The following CEP112 variants were observed in gnomAD, a reference collection of about 807,000 sequenced individuals.
CEP112 encodes the protein centrosomal protein of 112 kDa.
In CEP112, 127 loss-of-function variants were observed where a neutral mutation model predicts 153.0. The ratio of observed to expected loss-of-function variants is 0.83; its 90% CI spans 0.72 to 0.96. The LOEUF (loss-of-function observed/expected upper bound fraction) is 0.96. Among genes scored for constraint, CEP112 ranks in the 40% least tolerant of loss-of-function variants. The pLI is 0.00. For missense variants in CEP112, 1,089 were observed against 1,101.2 expected (o/e 0.99, Z 0.16); for synonymous variants, 358 against 374.4 (o/e 0.96, Z 0.51).
chr17:65,679,366 C>T (rs1041641070), intron 24 of CEP112, among the ~76,000 whole-genome samples: 3 of 151,352 alleles, frequency 2.0e-5, no homozygotes, highest in Non-Finnish European at 4.4e-5. Context: ...TAAAATTACT[C>T]GAAACAAACC....
At chr17:65,782,387 G>A (rs746981958) in intron 21 of CEP112, among the ~76,000 whole-genome samples, 3 of 152,142 alleles carry the variant, frequency 2.0e-5, no homozygotes, top group Non-Finnish European at 4.4e-5. Context: ...ATACACTGTT[G>A]GTGGGAATGG....
chr17:65,790,456 T>C (rs1470695160), intron 21 of CEP112, among the ~76,000 whole-genome samples: 2 of 152,128 alleles, frequency 1.3e-5, no homozygotes, highest in Non-Finnish European at 2.9e-5. Context: ...AGGTGCTGAA[T>C]GTGCAAGCTG....
At chr17:66,102,722 T>C (rs1416639313) in intron 6 of CEP112, among the ~76,000 whole-genome samples, 1 of 140,966 alleles carries the variant, frequency 7.1e-6, no homozygotes, top group Non-Finnish European at 1.5e-5. Context: ...GGCATGAACC[T>C]GGGAGGCAGA....
chr17:66,144,324 T>C (rs1598432588), intron 4 of CEP112, among the ~76,000 whole-genome samples: 1 of 152,320 alleles, frequency 6.6e-6, no homozygotes, highest in Middle Eastern at 3.4e-3. Flanking sequence ...AATTAAACAG[T>C]ATGTACATGT....
intron 24 of CEP112, among the ~76,000 whole-genome samples, chr17:65,647,469 G>A (rs1003554167): frequency 2.3e-5 from 3 of 130,348 alleles, no homozygotes; most frequent in African/African-American, 6.3e-5. Context: ...CACTGTGCCC[G>A]GCCTTTTTTT....
rs907428635 is a variant in CEP112, at chr17:65,655,326, G to A, written c.2698-14261C>T. 11 of 1,561,278 alleles carry A rather than the reference G, an allele frequency of 7.0e-6. No homozygotes were observed. In the East Asian group the frequency reaches 1.1e-4, roughly 16 times the overall value. On this transcript the variant is annotated intron_variant, in intron 24 of 26. Coordinates refer to ENST00000535342, the MANE Select transcript of CEP112 (RefSeq NM_001199165.4). ...CTCAGACACTACAGCTGGATTTCTCGATGAAAATCTTGCCAAATTACCACC... is the reference window on the plus strand; with the variant it reads ...CTCAGACACTACAGCTGGATTTCTCAATGAAAATCTTGCCAAATTACCACC...
At chr17:66,034,460 T>C (rs1032941012) in intron 12 of CEP112, among the ~76,000 whole-genome samples, 3 of 152,090 alleles carry the variant, frequency 2.0e-5, no homozygotes, top group Admixed American at 6.6e-5. Context: ...TTTTAGAAAG[T>C]ATCAAATTGC....
In CEP112 at chr17:66,017,138, T is replaced by C. The variant is rs538840240; in HGVS notation, c.1656+10363A>G. Among the ~76,000 whole-genome samples, 11 of 152,368 alleles carry C rather than the reference T, an allele frequency of 7.2e-5. No homozygotes were observed. In the South Asian group the frequency reaches 2.1e-3, roughly 29 times the overall value. ...TTATTGTGAACACCCAAAATCACAA[T>C]GTGCCACAATACAGTAATTCCCTTA... On this transcript the variant is annotated intron_variant, in intron 16 of 26. Transcript: ENST00000535342.
At chr17:65,725,656 A>G (rs1329890452) in intron 23 of CEP112, among the ~76,000 whole-genome samples, 1 of 152,222 alleles carries the variant, frequency 6.6e-6, no homozygotes, top group Non-Finnish European at 1.5e-5. Flanking sequence ...AAGACTGGGA[A>G]GAAAAAGAGG....
intron 21 of CEP112, among the ~76,000 whole-genome samples, chr17:65,751,650 T>C (rs2051859028): frequency 6.6e-6 from 1 of 152,254 alleles, no homozygotes; most frequent in Non-Finnish European, 1.5e-5. Flanking sequence ...CTTTTTCTTG[T>C]TGTTTCTATG....
rs2055296214 is a variant in CEP112 at position 65,801,838 on chromosome 17, T to G, written c.2394+49966A>C. Among the ~76,000 whole-genome samples the G allele has an allele frequency of 2.6e-5, 4 of 152,214 alleles. No homozygotes were observed. The South Asian group carries it at 6.2e-4, about 24-fold the overall frequency. On this transcript the variant is annotated intron_variant, in intron 21 of 26. Coordinates refer to ENST00000535342, the MANE Select transcript of CEP112 (RefSeq NM_001199165.4). ...TATTAAATCCAACATCTGTGCTTCC[T>G]CAGGAACAGTTTCTATTATTTTTCC...
chr17:65,986,545 TAAAGTAA>T (rs2063413225), intron 17 of CEP112, among the ~76,000 whole-genome samples: 1 of 152,136 alleles, frequency 6.6e-6, no homozygotes, highest in South Asian at 2.1e-4. Context: ...TGCATCGGAT[TAAAGTAA>T]AGTACAAATG....
At chr17:65,862,763 A>G (rs950350873) in intron 20 of CEP112, among the ~76,000 whole-genome samples, 1 of 152,216 alleles carries the variant, frequency 6.6e-6, no homozygotes, top group Non-Finnish European at 1.5e-5. Flanking sequence ...GCTGACAAGA[A>G]GAATGCTTCT....
intron 23 of CEP112, among the ~76,000 whole-genome samples, chr17:65,733,057 T>C (rs1344294089): frequency 6.6e-6 from 1 of 152,256 alleles, no homozygotes; most frequent in East Asian, 1.9e-4. Flanking sequence ...TTACTGAACT[T>C]AGTAATTTCT....
intron 21 of CEP112, among the ~76,000 whole-genome samples, chr17:65,809,856 G>GT (rs1349141327): frequency 1.3e-5 from 2 of 152,048 alleles, no homozygotes; most frequent in African/African-American, 2.4e-5. Flanking sequence ...AGGAAGTGGG[G>GT]GGGGGAAGAT....
At chr17:65,768,467 G>T (rs1567984892) in intron 21 of CEP112, among the ~76,000 whole-genome samples, 1 of 152,016 alleles carries the variant, frequency 6.6e-6, no homozygotes, top group Non-Finnish European at 1.5e-5. Context: ...CACATTTTAT[G>T]AGGCAGCATT....
chr17:66,188,321 A>ACACACC (rs2073021947), intron 1 of CEP112, among the ~76,000 whole-genome samples: 1 of 139,814 alleles, frequency 7.2e-6, no homozygotes, highest in African/African-American at 2.7e-5. Flanking sequence ...ACACACACAC[A>ACACACC]CACACTTTGC....
chr17:65,811,873 T>G (rs901578109), intron 21 of CEP112, among the ~76,000 whole-genome samples: 1 of 152,216 alleles, frequency 6.6e-6, no homozygotes, highest in Non-Finnish European at 1.5e-5. Flanking sequence ...TCATTTTTGG[T>G]CTACAACTCT....
chr17:65,777,100 G>A (rs543093468), intron 21 of CEP112, among the ~76,000 whole-genome samples: 2 of 152,220 alleles, frequency 1.3e-5, no homozygotes, highest in Admixed American at 6.5e-5. Flanking sequence ...CCGCATTTAG[G>A]TGGCATGTAA....
Sources: allele counts gnomAD v4.1 joint callset (sites outside exome capture counted in the v4.1 genomes callset), GRCh38; gene constraint gnomAD v4.1.1; transcripts MANE v1.5; gene names NCBI Gene and HGNC (gene_info 2026-07-23, HGNC 2026-07-21).